The following PRDM11 variants were observed in gnomAD, a reference collection of about 807,000 sequenced individuals.
The protein encoded by PRDM11 is PR domain-containing protein 11.
PRDM11 carries 20 observed loss-of-function variants against 97.8 expected under a neutral mutation model. The observed-to-expected ratio is 0.20, with a 90% CI of 0.14 to 0.30. PRDM11 has a LOEUF of 0.30. Among genes scored for constraint, PRDM11 ranks in the 10% least tolerant of loss-of-function variants. The pLI, the probability that PRDM11 is intolerant of heterozygous loss-of-function variation, is 1.00. For missense variants in PRDM11, 1,139 were observed against 1,555.2 expected, an observed-to-expected ratio of 0.73 and a Z score of 4.50; for synonymous variants, 599 against 637.7, an observed-to-expected ratio of 0.94 and a Z score of 0.91.
At chr11:45,147,012 CGGCGCG>C (rs924693243) in intron 1 of PRDM11, 135 bp downstream of exon 1, 1 of 139,608 alleles carries the variant, frequency 7.2e-6, no homozygotes, top group African/African-American at 2.6e-5. Flanking sequence ...CCGGGGGTCT[CGGCGCG>C]GGCGCGGGGC....
Position 45,183,023 on chromosome 11 carries a change from T to C in PRDM11, c.386T>C (p.Val129Ala). Reference protein sequence around the residue: ...VVKDTSGESDVRCVNEVIPKG... With the variant: ...VVKDTSGESDARCVNEVIPKG... Reference sequence around the variant, plus strand: ...AAGGACACTAGTGGAGAGAGTGACGTGCGATGTGTAAACGAGGTCATCCCC... The same window carrying C: ...AAGGACACTAGTGGAGAGAGTGACGCGCGATGTGTAAACGAGGTCATCCCC... Residue 129 changes from valine to alanine, a missense_variant, in exon 4 of 8, where the codon GTG (valine) becomes GCG (alanine). By Grantham distance (64) the Val-to-Ala change is moderately conservative. This residue lies in a region of PRDM11 where 429 missense variants were observed against 510.3 expected (regional missense o/e 0.84). Transcript: ENST00000683152. The C allele has an allele frequency of 6.2e-7, 1 of 1,614,074 alleles. No individual in the cohort carries two copies. Among genetic ancestry groups the C allele is most frequent in the Non-Finnish European group, 8.5e-7 (1 of 1,180,010 alleles).
Position 45,226,821 on chromosome 11 carries a change from T to G in PRDM11, c.2196T>G (p.Asp732Glu). The G allele has an allele frequency of 6.5e-7, 1 of 1,533,686 alleles. No homozygotes were observed. Among genetic ancestry groups the G allele is most frequent in the Non-Finnish European group, 8.7e-7 (1 of 1,146,668 alleles). Residue 732 changes from aspartate (D) to glutamate (E), a missense_variant, in exon 8 of 8, where the codon GAT becomes GAG. By Grantham distance (45) the Asp-to-Glu change is conservative. Around this residue, in one of 2 missense-constraint regions of PRDM11, gnomAD observed 710 missense variants for 1,044.9 expected, o/e 0.68. Transcript: ENST00000683152. ...DEKPTVGLGVDGANITASLRA... is the reference protein window; with the variant it reads ...DEKPTVGLGVEGANITASLRA... ...AGCCAACTGTTGGCTTGGGTGTAGA[T>G]GGAGCCAACATCACAGCCAGCCTCC...
intron 1 of PRDM11, among the ~76,000 whole-genome samples, chr11:45,116,036 AT>A (rs1265350568): frequency 6.6e-6 from 1 of 152,218 alleles, no homozygotes. Context: ...AGAACACTTT[AT>A]CAGAAAGGCA....
At chr11:45,209,333 G>C in intron 5 of PRDM11, 1 of 349,664 alleles carries the variant, frequency 2.9e-6, no homozygotes, top group South Asian at 2.1e-5. Context: ...CCAGCCGGCT[G>C]CCTGCCCCCC....
chr11:45,147,303 C>T (rs376934255), intron 1 of PRDM11: 1 of 151,662 alleles, frequency 6.6e-6, no homozygotes, highest in Non-Finnish European at 1.5e-5. Context: ...GGGCGGGGCG[C>T]GGACGCCGAC....
At chr11:45,167,802 C>T (rs899926781) in intron 1 of PRDM11, among the ~76,000 whole-genome samples, 8 of 141,096 alleles carry the variant, frequency 5.7e-5, no homozygotes, top group Non-Finnish European at 9.4e-5. Flanking sequence ...CACACACACA[C>T]GCCATACTCG....
At chr11:45,213,051 A>C (rs1187774660) in intron 5 of PRDM11, 1 of 439,556 alleles carries the variant, frequency 2.3e-6, no homozygotes, top group Middle Eastern at 3.3e-4. Context: ...TAACCCAGCT[A>C]GTCTGCACTA....
chr11:45,134,037 A>G (rs116326901), intron 1 of PRDM11, among the ~76,000 whole-genome samples: 24 of 152,196 alleles, frequency 1.6e-4, no homozygotes, highest in African/African-American at 5.3e-4. Context: ...CTACATCTCT[A>G]TACACCCCCA....
At position 45,230,875 on chromosome 11, in the gene PRDM11, G is replaced by A. The variant is rs940864819; in HGVS notation, c.*2716G>A. Reference sequence around the variant, plus strand: ...CAAAATGAGCTAAAATCTTCAGCTAGAAGGGGAAAAGCTTATGGGCCAGTG... The same window carrying A: ...CAAAATGAGCTAAAATCTTCAGCTAAAAGGGGAAAAGCTTATGGGCCAGTG... On this transcript the variant is annotated 3_prime_UTR_variant, in exon 8 of 8. Coordinates refer to ENST00000683152, the MANE Select transcript of PRDM11 (RefSeq NM_001384648.1). 5.9e-5 allele frequency: 9 copies of A among 152,246 alleles called. No homozygotes were observed. Among genetic ancestry groups the A allele is most frequent in the Non-Finnish European group, 1.0e-4 (7 of 68,052 alleles). The allele number at this position is 152,246 out of a possible 1,614,324, so 9.4% of individuals were successfully genotyped here.
chr11:45,184,773 G>C (rs1278615353), intron 4 of PRDM11, among the ~76,000 whole-genome samples: 1 of 152,178 alleles, frequency 6.6e-6, no homozygotes, highest in Non-Finnish European at 1.5e-5. Flanking sequence ...GGATATATGG[G>C]TCCGAAGCTT....
In PRDM11 at chr11:45,204,756, G is replaced by A. The variant is rs865833411; in HGVS notation, c.532G>A (p.Glu178Lys). Residue 178 changes from glutamate to lysine, a missense_variant, in exon 5 of 8, where the codon GAG (glutamate) becomes AAG (lysine). Physicochemically the swap from Glu to Lys is moderately conservative, Grantham distance 56. Around this residue, in one of 2 missense-constraint regions of PRDM11, gnomAD observed 429 missense variants for 510.3 expected, o/e 0.84. Coordinates refer to ENST00000683152, the MANE Select transcript of PRDM11 (RefSeq NM_001384648.1). ...NRYKSIDGSD[E>K]TKANWMRYVV... is the part of the protein sequence containing the mutation. ...CTATAAGTCCATAGATGGCTCAGAC[G>A]AGACCAAAGCCAACTGGATGAGGTG... The A allele has an allele frequency of 8.1e-6, 13 of 1,612,664 alleles. No individual in the cohort carries two copies. Among genetic ancestry groups the A allele is most frequent in the Middle Eastern group, 1.6e-4 (1 of 6,076 alleles).
At chr11:45,153,468 A>T (rs1184912269) in intron 1 of PRDM11, among the ~76,000 whole-genome samples, 1 of 152,198 alleles carries the variant, frequency 6.6e-6, no homozygotes, top group African/African-American at 2.4e-5. Flanking sequence ...CCGGAGAAAG[A>T]CGGAGCACCA....
chr11:45,129,087 A>C (rs12787952), intron 1 of PRDM11, among the ~76,000 whole-genome samples: 1 of 152,238 alleles, frequency 6.6e-6, no homozygotes. Flanking sequence ...AGATATAGAA[A>C]CATTATTTGA....
intron 1 of PRDM11, among the ~76,000 whole-genome samples, chr11:45,129,448 C>T (rs1852670746): frequency 1.3e-5 from 2 of 152,008 alleles, no homozygotes; most frequent in African/African-American, 4.8e-5. Context: ...TTGGAAAGGT[C>T]GTTTAAACAA....
At chr11:45,152,986 C>G (rs1590384979) in intron 1 of PRDM11, among the ~76,000 whole-genome samples, 1 of 152,306 alleles carries the variant, frequency 6.6e-6, no homozygotes, top group East Asian at 1.9e-4. Context: ...GTGGCTTGGG[C>G]ATAAGGCTGG....
chr11:45,146,237 G>T (rs919176926), upstream of PRDM11, among the ~76,000 whole-genome samples: 1 of 152,052 alleles, frequency 6.6e-6, no homozygotes, highest in Non-Finnish European at 1.5e-5. Context: ...GCCCTGAAAG[G>T]GTTAAAAATC....
At chr11:45,139,014 C>T (rs1407753606) in intron 1 of PRDM11, among the ~76,000 whole-genome samples, 3 of 151,990 alleles carry the variant, frequency 2.0e-5, no homozygotes, top group Non-Finnish European at 4.4e-5. Flanking sequence ...TTTAAATGGA[C>T]AAAGGACATA....
rs1383337902 is a variant in PRDM11, at chr11:45,147,014, G to A, written c.-7+137G>A. On this transcript the variant is annotated intron_variant, in intron 1 of 7. Transcript: ENST00000683152. ...GGGGCGGGGGCGGCCGGGGGTCTCG[G>A]CGCGGGCGCGGGGCGGGGGTCCGGA... 2.1e-5 allele frequency: 3 copies of A among 145,748 alleles called. No homozygotes were observed. In the East Asian group the frequency reaches 6.0e-4, roughly 29 times the overall value. 9.0% of individuals were successfully genotyped at this position (145,748 alleles called of 1,614,324 possible).
Position 45,204,675 on chromosome 11 carries a change from G to C in PRDM11, c.487-36G>C, listed in dbSNP as rs760064697. ...GCCCAGGGACATGAGAACCCCTCTAGAATGGCCCATCCTAGACTCTTTCTC... is the reference window on the plus strand; with the variant it reads ...GCCCAGGGACATGAGAACCCCTCTACAATGGCCCATCCTAGACTCTTTCTC... On this transcript the variant is annotated intron_variant, in intron 4 of 7. Transcript: ENST00000683152. The C allele has an allele frequency of 4.4e-6, 7 of 1,574,938 alleles. No individual in the cohort carries two copies. In the Admixed American group the frequency reaches 1.2e-4, roughly 26 times the overall value.
Sources: allele counts gnomAD v4.1 joint callset (sites outside exome capture counted in the v4.1 genomes callset), GRCh38; gene constraint gnomAD v4.1.1; regional missense constraint gnomAD v4.1.1; transcripts MANE v1.5; gene names NCBI Gene and HGNC (gene_info 2026-07-23, HGNC 2026-07-21).